The following BBS9 variants were observed in gnomAD, a reference collection of about 807,000 sequenced individuals.
BBS9 encodes protein PTHB1.
BBS9 carries 89 observed loss-of-function variants against 117.7 expected under a neutral mutation model. The observed-to-expected ratio is 0.76, with a 90% CI of 0.64 to 0.90. The LOEUF (loss-of-function observed/expected upper bound fraction) is 0.90, where lower values mean the gene tolerates loss of function less well. BBS9 is among the 40% of genes least tolerant of loss of function. The pLI is 0.00. For missense variants in BBS9, 982 were observed against 1,042.2 expected (o/e 0.94, Z 0.80); for synonymous variants, 379 against 370.9 (o/e 1.02, Z -0.25).
At chr7:33,368,577 TACACACACACAC>T (rs201655079) in intron 17 of BBS9, among the ~76,000 whole-genome samples, 17,336 of 128,362 alleles carry the variant, frequency 0.14, 1,101 homozygotes, top group African/African-American at 0.19. Flanking sequence ...GAGAAAAAAG[TACACACACACAC>T]ACACACACAC....
chr7:33,316,175 T>C (rs1358988490), intron 9 of BBS9, among the ~76,000 whole-genome samples: 2 of 152,224 alleles, frequency 1.3e-5, no homozygotes, highest in African/African-American at 4.8e-5. Flanking sequence ...TAGGTTTAAG[T>C]TGCCTATTCT....
chr7:33,632,367 A>G (rs1865931400), intron 21 of BBS9, among the ~76,000 whole-genome samples: 1 of 152,226 alleles, frequency 6.6e-6, no homozygotes, highest in South Asian at 2.1e-4. Context: ...TCATGGTGTG[A>G]ATGGAAAGGC....
chr7:33,397,032 A>G (rs1828091691), intron 19 of BBS9, among the ~76,000 whole-genome samples: 2 of 152,172 alleles, frequency 1.3e-5, no homozygotes, highest in Admixed American at 1.3e-4. Flanking sequence ...ATCAGAGTGA[A>G]CAGACAACCT....
intron 20 of BBS9, among the ~76,000 whole-genome samples, chr7:33,527,350 G>A (rs1184627538): frequency 3.9e-5 from 6 of 152,062 alleles, no homozygotes; most frequent in East Asian, 3.9e-4. Flanking sequence ...CCCCAGCCTC[G>A]CTGCCGCCTT....
chr7:33,174,164 ACT>A (rs1449791537), intron 4 of BBS9, among the ~76,000 whole-genome samples: 2 of 152,192 alleles, frequency 1.3e-5, no homozygotes, highest in African/African-American at 4.8e-5. Context: ...GCTCAAAGAA[ACT>A]AGGAGAGCTC....
chr7:33,354,857 G>A (rs565135794), intron 15 of BBS9, among the ~76,000 whole-genome samples: 2 of 151,942 alleles, frequency 1.3e-5, no homozygotes, highest in African/African-American at 4.8e-5. Context: ...TAGTAGTTAC[G>A]ACTATCCATT....
At chr7:33,206,124 T>C (rs1030357742) in intron 5 of BBS9, among the ~76,000 whole-genome samples, 1 of 152,120 alleles carries the variant, frequency 6.6e-6, no homozygotes, top group Non-Finnish European at 1.5e-5. Flanking sequence ...TCATCAAATA[T>C]GTGTGAGCAA....
chr7:33,560,985 A>C (rs965605258), intron 21 of BBS9, among the ~76,000 whole-genome samples: 3 of 152,172 alleles, frequency 2.0e-5, no homozygotes, highest in Non-Finnish European at 4.4e-5. Flanking sequence ...TTTTCTTTCT[A>C]GTGCTAAATG....
intron 21 of BBS9, among the ~76,000 whole-genome samples, chr7:33,631,138 C>T (rs1189541313): frequency 6.6e-6 from 1 of 152,086 alleles, no homozygotes; most frequent in Non-Finnish European, 1.5e-5. Context: ...CCAGGAGGCT[C>T]ATCAGAGTGT....
chr7:33,414,023 TCAAAACAAAA>T (rs112875048), intron 19 of BBS9, among the ~76,000 whole-genome samples: 2 of 151,530 alleles, frequency 1.3e-5, no homozygotes, highest in Admixed American at 6.6e-5. Context: ...AAACTCCCTC[TCAAAACAAAA>T]CAAAACAAAA....
chr7:33,137,977 G>GAGCC lies in BBS9; in HGVS notation c.-12+7938_-12+7941dup, dbSNP rs1356925138. On this transcript the variant is annotated intron_variant, in intron 1 of 22. Transcript: ENST00000242067. ...AAGGTAGCCATGGTCTTGTGAGGAAGAGCCATTTGTTGGACATAGGTTTAA... is the reference window on the plus strand; with the variant it reads ...AAGGTAGCCATGGTCTTGTGAGGAAGAGCCAGCCATTTGTTGGACATAGGTTTAA... Among the ~76,000 whole-genome samples, 4 of 152,334 alleles carry GAGCC rather than the reference G, an allele frequency of 2.6e-5. No homozygotes were observed. The East Asian group carries it at 7.7e-4, about 29-fold the overall frequency.
At chr7:33,271,264 A>C (rs988684002) in intron 7 of BBS9, among the ~76,000 whole-genome samples, 1 of 152,228 alleles carries the variant, frequency 6.6e-6, no homozygotes, top group Non-Finnish European at 1.5e-5. Flanking sequence ...AAACACTTAA[A>C]TACTTAAATA....
intron 9 of BBS9, among the ~76,000 whole-genome samples, chr7:33,320,323 A>G (rs1322090066): frequency 6.6e-6 from 1 of 152,172 alleles, no homozygotes; most frequent in East Asian, 1.9e-4. Flanking sequence ...GCACCCACAA[A>G]TAAGCAAGAA....
chr7:33,407,981 C>A (rs553926607), intron 19 of BBS9, among the ~76,000 whole-genome samples: 3 of 152,352 alleles, frequency 2.0e-5, no homozygotes, highest in African/African-American at 7.2e-5. Flanking sequence ...CAGACAGGGA[C>A]ATTTAAGTCT....
intron 9 of BBS9, among the ~76,000 whole-genome samples, chr7:33,294,321 CTATCTATCTATCTATCTA>C (rs1804764333): frequency 7.0e-6 from 1 of 143,796 alleles, no homozygotes; most frequent in Non-Finnish European, 1.5e-5. Context: ...ATCTATCTAT[CTATCTATCTATCTATCTA>C]TCTATCTATC....
At chr7:33,309,012 T>C (rs1359701684) in intron 9 of BBS9, among the ~76,000 whole-genome samples, 1 of 152,222 alleles carries the variant, frequency 6.6e-6, no homozygotes, top group East Asian at 1.9e-4. Context: ...GCTTGGTTCA[T>C]TTATTAGTTA....
At chr7:33,339,700 T>C (rs1408598638) in intron 10 of BBS9, among the ~76,000 whole-genome samples, 1 of 152,088 alleles carries the variant, frequency 6.6e-6, no homozygotes, top group Admixed American at 6.6e-5. Flanking sequence ...TCTCCTCTTA[T>C]TAGGGAGGAA....
intron 21 of BBS9, among the ~76,000 whole-genome samples, chr7:33,633,514 T>TC (rs1865994962): frequency 2.7e-5 from 2 of 73,538 alleles, no homozygotes; most frequent in Admixed American, 3.4e-4. Flanking sequence ...TTTTTTCTTT[T>TC]TTTTTTTTTT....
chr7:33,189,172 T>C (rs1383626660), intron 5 of BBS9, among the ~76,000 whole-genome samples: 1 of 151,876 alleles, frequency 6.6e-6, no homozygotes, highest in Non-Finnish European at 1.5e-5. Context: ...AGATGTGCGC[T>C]ACCATGCCAG....
Sources: gnomAD v4.1 joint callset for allele counts (sites outside exome capture counted in the v4.1 genomes callset) on GRCh38, gnomAD v4.1.1 for gene constraint, MANE v1.5 for transcripts, NCBI Gene and HGNC (gene_info 2026-07-23, HGNC 2026-07-21) for gene names.